ERCC3: variants seen among roughly 807,000 people sequenced by gnomAD.
ERCC3 encodes the protein ERCC excision repair 3, TFIIH core complex helicase subunit.
ERCC3 carries 66 observed loss-of-function variants against 94.2 expected under a neutral mutation model. The ratio of observed to expected loss-of-function variants is 0.70; its 90% CI spans 0.57 to 0.86. The LOEUF is 0.86. ERCC3 is among the 40% of genes least tolerant of loss of function. The pLI is 0.00. For synonymous variants in ERCC3, 349 were observed against 369.1 expected (o/e 0.95, Z 0.63); for missense variants, 829 against 987.1 (o/e 0.84, Z 2.15).
intron 8 of ERCC3, among the ~76,000 whole-genome samples, chr2:127,282,389 T>C (rs1384764783): frequency 1.3e-5 from 2 of 152,206 alleles, no homozygotes; most frequent in South Asian, 4.1e-4. Context: ...CCAAGTACAG[T>C]GCCTAAACTT....
chr2:127,276,942 T>C (rs1684751546), intron 10 of ERCC3, among the ~76,000 whole-genome samples: 1 of 152,228 alleles, frequency 6.6e-6, no homozygotes, highest in African/African-American at 2.4e-5. Flanking sequence ...TTCTAGGACC[T>C]GGCCAAACTA....
intron 10 of ERCC3, among the ~76,000 whole-genome samples, chr2:127,278,115 G>A (rs1201793295): frequency 2.6e-5 from 4 of 151,984 alleles, no homozygotes; most frequent in East Asian, 3.9e-4. Flanking sequence ...GTGCGTGCCT[G>A]TAGACCCAGC....
intron 8 of ERCC3, among the ~76,000 whole-genome samples, chr2:127,281,186 G>GA (rs2104763038): frequency 6.6e-6 from 1 of 152,322 alleles, no homozygotes; most frequent in South Asian, 2.1e-4. Context: ...TTACTGAAAA[G>GA]AAAGTTGACA....
intron 3 of ERCC3, 39 bp downstream of exon 3, chr2:127,292,571 G>A: frequency 1.6e-6 from 2 of 1,277,912 alleles, no homozygotes; most frequent in Non-Finnish European, 2.3e-6. Context: ...TGTTACATTA[G>A]CAGGGCAGGT....
Position 127,257,415 on chromosome 2 carries a change from C to G in ERCC3, c.*181G>C. 1 of 761,058 alleles carries G rather than the reference C, an allele frequency of 1.3e-6. No homozygotes were observed. Among genetic ancestry groups the G allele is most frequent in the Non-Finnish European group, 2.3e-6 (1 of 428,404 alleles). 47.1% of individuals were successfully genotyped at this position (761,058 alleles called of 1,614,324 possible). A position where few individuals can be genotyped will look rare whatever the true frequency, so the allele number is the denominator to read the frequency against. On this transcript the variant is annotated 3_prime_UTR_variant, in exon 15 of 15. Coordinates refer to ENST00000285398, the MANE Select transcript of ERCC3 (RefSeq NM_000122.2). The surrounding 1 kb of genome is among the most constrained non-coding windows in gnomAD (Gnocchi z 5.4). The stretch of plus-strand genomic sequence containing the variant: ...GTTTGAAAAAATATTGTCTCCTCCT[C>G]CTTTATAAAACCCTAGATGACCTAT...
intron 12 of ERCC3, among the ~76,000 whole-genome samples, chr2:127,266,286 C>T (rs1158323025): frequency 6.8e-6 from 1 of 147,570 alleles, no homozygotes; most frequent in Non-Finnish European, 1.5e-5. Context: ...CCACTGTGAC[C>T]CAAGAAAATG....
At chr2:127,269,402 A>C (rs1210484266) in intron 12 of ERCC3, among the ~76,000 whole-genome samples, 1 of 151,874 alleles carries the variant, frequency 6.6e-6, no homozygotes, top group East Asian at 1.9e-4. Context: ...TTGAGTAAGA[A>C]AACAATTCTA....
chr2:127,289,624 C>T, intron 5 of ERCC3, 65 bp downstream of exon 5: 16 of 1,609,640 alleles, frequency 9.9e-6, no homozygotes, highest in Non-Finnish European at 1.4e-5. Flanking sequence ...GGGTTAAAGA[C>T]ACCTGAGAGA....
intron 1 of ERCC3, 97 bp downstream of exon 1, chr2:127,293,957 G>A: frequency 6.5e-7 from 1 of 1,548,774 alleles, no homozygotes; most frequent in East Asian, 2.4e-5. Flanking sequence ...GGCCAGCAGG[G>A]TCGGCCGGCG....
chr2:127,289,394 C>T lies in ERCC3; in HGVS notation c.765G>A (p.Met255Ile). 3 of 1,613,608 alleles carry T rather than the reference C, an allele frequency of 1.9e-6. No homozygotes were observed. The highest frequency in any genetic ancestry group is 2.5e-6 in the Non-Finnish European group (3 of 1,180,014). ...PMDLFDFYEQ[M>I]DKDEEEEEET... ...CTTCTTCTTCTTCTTCATCCTTGTC[C>T]ATTTGCTCATAGAAGTCAAACAGGT... Residue 255 changes from methionine (M) to isoleucine (I), a missense_variant, in exon 6 of 15, where the codon ATG becomes ATA. Transcript: ENST00000285398.
intron 7 of ERCC3, 67 bp downstream of exon 7, chr2:127,288,593 A>G: frequency 7.5e-7 from 1 of 1,328,698 alleles, no homozygotes; most frequent in Non-Finnish European, 1.1e-6. Flanking sequence ...GCAGAGAGAA[A>G]GCGGGAGGCA....
chr2:127,286,432 C>T (rs1312470768), intron 8 of ERCC3, among the ~76,000 whole-genome samples: 1 of 151,950 alleles, frequency 6.6e-6, no homozygotes, highest in African/African-American at 2.4e-5. Context: ...CCTGTAATCC[C>T]AGCTACTCAG....
At chr2:127,272,736 T>G (rs960516446) in intron 11 of ERCC3, 129 bp downstream of exon 11, 12 of 702,820 alleles carry the variant, frequency 1.7e-5, no homozygotes, top group Non-Finnish European at 2.9e-5. Context: ...TCCCTGGACA[T>G]GTCGGAAATG....
At chr2:127,265,136 C>A (rs1036409683) in intron 12 of ERCC3, among the ~76,000 whole-genome samples, 6 of 152,074 alleles carry the variant, frequency 3.9e-5, no homozygotes, top group African/African-American at 1.4e-4. Context: ...TGTGAGCCAC[C>A]ATGCCTGGGG....
chr2:127,267,509 G>C (rs951255451), intron 12 of ERCC3, among the ~76,000 whole-genome samples: 2 of 151,608 alleles, frequency 1.3e-5, no homozygotes, highest in Admixed American at 1.3e-4. Flanking sequence ...ACATGTGAGA[G>C]AGGTCTCTTG....
intron 10 of ERCC3, among the ~76,000 whole-genome samples, chr2:127,275,943 A>T (rs1054206721): frequency 9.9e-5 from 15 of 152,126 alleles, no homozygotes; most frequent in Admixed American, 5.2e-4. Flanking sequence ...AGGGCTCAGG[A>T]ACTAGTCACC....
intron 12 of ERCC3, among the ~76,000 whole-genome samples, chr2:127,270,081 A>T (rs1050327434): frequency 3.9e-5 from 6 of 152,168 alleles, no homozygotes; most frequent in Non-Finnish European, 5.9e-5. Flanking sequence ...AGGAATAAGT[A>T]ATGAATTATA....
rs1253177955 is a variant in ERCC3 at position 127,268,842 on chromosome 2, C to A, written c.1945+2494G>T. On this transcript the variant is annotated intron_variant, in intron 12 of 14. Transcript: ENST00000285398. ...CCCTTGCTTAAATTAATAACTTTTA[C>A]CTTTTCGCTTTAAGAAAGCACTTTA... Among the ~76,000 whole-genome samples, 4 of 152,146 alleles carry A rather than the reference C, an allele frequency of 2.6e-5. No individual in the cohort carries two copies. In the East Asian group the frequency reaches 7.7e-4, roughly 29 times the overall value.
At chr2:127,273,571 G>A (rs995378881) in intron 10 of ERCC3, among the ~76,000 whole-genome samples, 11 of 151,816 alleles carry the variant, frequency 7.2e-5, no homozygotes, top group Non-Finnish European at 1.6e-4. Context: ...CCAACATGAA[G>A]AAACCCCGTC....
Sources: gnomAD v4.1 joint callset for allele counts (sites outside exome capture counted in the v4.1 genomes callset) on GRCh38, gnomAD v4.1.1 for gene constraint, Gnocchi (gnomAD v3.1) non-coding constraint, MANE v1.5 for transcripts, NCBI Gene and HGNC (gene_info 2026-07-23, HGNC 2026-07-21) for gene names.